PDE11A: variants seen among roughly 807,000 people sequenced by gnomAD.
PDE11A encodes the protein dual 3',5'-cyclic-AMP and -GMP phosphodiesterase 11A.
In PDE11A, 100 loss-of-function variants were observed where a neutral mutation model predicts 100.5. That is an observed-to-expected ratio of 1.00 (90% confidence interval 0.85 to 1.18). PDE11A has a LOEUF of 1.18. Among genes scored for constraint, PDE11A ranks in the 50% most tolerant of loss-of-function variants. The pLI is 0.00. For synonymous variants in PDE11A, 381 were observed against 420.8 expected (o/e 0.91, Z 1.16); for missense variants, 1,141 against 1,152.6 (o/e 0.99, Z 0.15).
chr2:177,756,088 C>A (rs2082087029), intron 10 of PDE11A, among the ~76,000 whole-genome samples: 1 of 152,152 alleles, frequency 6.6e-6, no homozygotes, highest in Non-Finnish European at 1.5e-5. Context: ...GACCTTGGGG[C>A]CATTTCAACC....
intron 14 of PDE11A, among the ~76,000 whole-genome samples, chr2:177,698,995 A>G (rs2081158411): frequency 6.6e-6 from 1 of 152,226 alleles, no homozygotes; most frequent in Non-Finnish European, 1.5e-5. Flanking sequence ...GTAAAAGTTA[A>G]CATTGAGATA....
chr2:178,035,276 G>T (rs1157138785), intron 1 of PDE11A, among the ~76,000 whole-genome samples: 1 of 152,154 alleles, frequency 6.6e-6, no homozygotes, highest in Non-Finnish European at 1.5e-5. Flanking sequence ...AGAAAATCTA[G>T]AAGAAATGAC....
chr2:177,718,582 T>C (rs2081477647), intron 12 of PDE11A, among the ~76,000 whole-genome samples: 1 of 152,104 alleles, frequency 6.6e-6, no homozygotes, highest in African/African-American at 2.4e-5. Context: ...GCTTTATAAG[T>C]GAGGTTTGGA....
chr2:178,090,044 G>C (rs1382537131), intron 2 of PDE11A, among the ~76,000 whole-genome samples: 1 of 152,166 alleles, frequency 6.6e-6, no homozygotes, highest in Non-Finnish European at 1.5e-5. Context: ...GCCCTGAACT[G>C]ACCTTCCAAA....
intron 1 of PDE11A, among the ~76,000 whole-genome samples, chr2:178,032,039 T>G (rs1559048197): frequency 6.6e-6 from 1 of 151,968 alleles, no homozygotes; most frequent in South Asian, 2.1e-4. Flanking sequence ...ATATAGAAAA[T>G]GGATTTATGG....
intron 1 of PDE11A, among the ~76,000 whole-genome samples, chr2:178,069,875 T>C (rs911607926): frequency 6.6e-6 from 1 of 151,412 alleles, no homozygotes; most frequent in Admixed American, 6.6e-5. Flanking sequence ...TGGGAGAAAA[T>C]CAATTGGGGA....
intron 9 of PDE11A, among the ~76,000 whole-genome samples, chr2:177,770,461 C>T (rs375292402): frequency 1.3e-5 from 2 of 152,276 alleles, no homozygotes; most frequent in African/African-American, 4.8e-5. Flanking sequence ...TTCGCAGGCT[C>T]CCTGCAGCTG....
At chr2:177,952,135 T>A (rs958674557) in intron 2 of PDE11A, among the ~76,000 whole-genome samples, 1 of 152,204 alleles carries the variant, frequency 6.6e-6, no homozygotes, top group African/African-American at 2.4e-5. Flanking sequence ...TGCCATTACA[T>A]GACAAAGTAG....
intron 6 of PDE11A, among the ~76,000 whole-genome samples, chr2:177,826,490 C>T (rs930158624): frequency 1.3e-5 from 2 of 152,218 alleles, no homozygotes; most frequent in Non-Finnish European, 2.9e-5. Context: ...TGTTCCCAGT[C>T]AGTCCCTTGA....
At chr2:177,849,987 C>A (rs62183366) in intron 5 of PDE11A, among the ~76,000 whole-genome samples, 5,742 of 152,244 alleles carry the variant, frequency 0.038, 140 homozygotes, top group Non-Finnish European at 0.058. Flanking sequence ...TCAATGCCAT[C>A]CCCATCAAGC....
At chr2:177,934,062 C>T (rs12693144) in intron 2 of PDE11A, among the ~76,000 whole-genome samples, 13,144 of 152,148 alleles carry the variant, frequency 0.086, 536 homozygotes, top group South Asian at 0.1. Context: ...ATTCTGAACA[C>T]TGGCCTTGGG....
At chr2:177,828,086 A>G (rs2083254838) in intron 6 of PDE11A, among the ~76,000 whole-genome samples, 1 of 152,248 alleles carries the variant, frequency 6.6e-6, no homozygotes, top group South Asian at 2.1e-4. Context: ...CATATAAGAT[A>G]TAGTCTAAGA....
intron 9 of PDE11A, among the ~76,000 whole-genome samples, chr2:177,773,162 A>C (rs1366148783): frequency 6.6e-6 from 1 of 152,098 alleles, no homozygotes; most frequent in Non-Finnish European, 1.5e-5. Context: ...CTGGGATTAC[A>C]GGAACACACC....
intron 2 of PDE11A, among the ~76,000 whole-genome samples, chr2:177,963,841 T>C (rs2085665044): frequency 6.6e-6 from 1 of 152,146 alleles, no homozygotes; most frequent in Non-Finnish European, 1.5e-5. Flanking sequence ...TCCAGTGGCC[T>C]CCACCATCCA....
At chr2:177,784,290 C>G (rs1382069496) in intron 9 of PDE11A, among the ~76,000 whole-genome samples, 2 of 151,570 alleles carry the variant, frequency 1.3e-5, no homozygotes, top group Non-Finnish European at 2.9e-5. Flanking sequence ...TGGTCATTCT[C>G]AGTGCTCATT....
intron 5 of PDE11A, among the ~76,000 whole-genome samples, chr2:177,864,921 C>A (rs16865858): frequency 1.3e-5 from 2 of 152,114 alleles, no homozygotes; most frequent in African/African-American, 4.8e-5. Flanking sequence ...TGCTACTACA[C>A]AATGCTTAGG....
intron 5 of PDE11A, among the ~76,000 whole-genome samples, chr2:177,859,097 G>C (rs192762448): frequency 9.4e-4 from 143 of 151,502 alleles, no homozygotes; most frequent in African/African-American, 3.2e-3. Context: ...GGCCTGTCGT[G>C]GGGTGGGGGG....
intron 9 of PDE11A, among the ~76,000 whole-genome samples, chr2:177,770,529 G>A (rs1362580185): frequency 6.7e-6 from 1 of 149,674 alleles, no homozygotes; most frequent in Non-Finnish European, 1.5e-5. Flanking sequence ...TTATAAGTGG[G>A]AGTGTCGGCG....
At chr2:177,781,523 CTCTG>C (rs1458937872) in intron 9 of PDE11A, among the ~76,000 whole-genome samples, 20 of 147,760 alleles carry the variant, frequency 1.4e-4, no homozygotes, top group African/African-American at 4.2e-4. Flanking sequence ...TTTTTTGAGA[CTCTG>C]TCTGTCACTC....
Sources: allele counts gnomAD v4.1 joint callset (sites outside exome capture counted in the v4.1 genomes callset), GRCh38; gene constraint gnomAD v4.1.1; transcripts MANE v1.5; gene names NCBI Gene and HGNC (gene_info 2026-07-23, HGNC 2026-07-21).